Variants in CPXM2 observed in about 807,000 individuals in gnomAD.
The protein encoded by CPXM2 is inactive carboxypeptidase-like protein X2.
A neutral mutation model predicts 86.1 loss-of-function variants in CPXM2; 66 were observed. The observed-to-expected ratio is 0.77, with a 90% CI of 0.63 to 0.94. The LOEUF (loss-of-function observed/expected upper bound fraction) is 0.94, where lower values mean the gene tolerates loss of function less well. Ranked by LOEUF, CPXM2 falls within the 40% of genes least tolerant of loss-of-function variation. The pLI is 0.00. For synonymous variants in CPXM2, 388 were observed against 400.2 expected (o/e 0.97, Z 0.36); for missense variants, 948 against 1,026.3 (o/e 0.92, Z 1.04).
At position 123,814,841 on chromosome 10, in the gene CPXM2, T is replaced by C. The variant is rs189938513; in HGVS notation, c.654-15642A>G. On this transcript the variant is annotated intron_variant, in intron 4 of 13. Coordinates refer to ENST00000241305, the MANE Select transcript of CPXM2 (RefSeq NM_198148.3). ...GAGTTCAAGACCAACTTGGCCAACA[T>C]AGCAAAACCCCATCTCTACTAAAAA... is the stretch of plus-strand genomic sequence containing the variant. Among the ~76,000 whole-genome samples the C allele has an allele frequency of 3.4e-3, 514 of 152,146 alleles. 3 individuals are homozygous for C. The highest frequency in any genetic ancestry group is 5.1e-3 in the Non-Finnish European group (346 of 67,988).
At chr10:123,790,942 C>T (rs547865236) in intron 6 of CPXM2, among the ~76,000 whole-genome samples, 67 of 152,222 alleles carry the variant, frequency 4.4e-4, no homozygotes, top group African/African-American at 1.4e-3. Flanking sequence ...CCTGAAGCTG[C>T]GATGCTATCA....
At chr10:123,914,597 A>C (rs1945519643) in intron 2 of CPXM2, among the ~76,000 whole-genome samples, 1 of 152,064 alleles carries the variant, frequency 6.6e-6, no homozygotes, top group Non-Finnish European at 1.5e-5. Context: ...TCTGCCAACA[A>C]CACCATTTTA....
chr10:123,875,037 T>C (rs1590089319), intron 2 of CPXM2, among the ~76,000 whole-genome samples: 1 of 152,312 alleles, frequency 6.6e-6, no homozygotes, highest in South Asian at 2.1e-4. Flanking sequence ...CTGGCCACAC[T>C]GCTCATGTAG....
At chr10:123,820,290 C>A (rs1013561569) in intron 4 of CPXM2, among the ~76,000 whole-genome samples, 2 of 152,150 alleles carry the variant, frequency 1.3e-5, no homozygotes, top group Non-Finnish European at 2.9e-5. Flanking sequence ...AAGCAGAGGC[C>A]ACTCTACAGA....
At chr10:123,870,316 A>G (rs1266086209) in intron 2 of CPXM2, among the ~76,000 whole-genome samples, 1 of 152,318 alleles carries the variant, frequency 6.6e-6, no homozygotes, top group East Asian at 1.9e-4. Context: ...CCAGGAAAAG[A>G]GCTGGAGCCA....
At position 123,803,989 on chromosome 10, in the gene CPXM2, C is replaced by G. The variant is rs144549905; in HGVS notation, c.654-4790G>C. ...GATACATGGTTTTCTATATGGGCTTCCAGCTGACCTAGAACCATTTATATG... is the reference window on the plus strand; with the variant it reads ...GATACATGGTTTTCTATATGGGCTTGCAGCTGACCTAGAACCATTTATATG... On this transcript the variant is annotated intron_variant, in intron 4 of 13. Transcript: ENST00000241305. Among the ~76,000 whole-genome samples the G allele has an allele frequency of 1.9e-3, 295 of 152,230 alleles. 1 individual carries two copies. The highest frequency in any genetic ancestry group is 3.5e-3 in the Non-Finnish European group (241 of 68,022).
chr10:123,897,887 G>T (rs1361040171), intron 2 of CPXM2, among the ~76,000 whole-genome samples: 1 of 152,250 alleles, frequency 6.6e-6, no homozygotes, highest in African/African-American at 2.4e-5. Flanking sequence ...CAGAAGCAAG[G>T]GTTTGGAAGG....
At chr10:123,893,361 A>T (rs1449163230), upstream of CPXM2, among the ~76,000 whole-genome samples, 1 of 152,184 alleles carries the variant, frequency 6.6e-6, no homozygotes, top group Non-Finnish European at 1.5e-5. Context: ...GAGACCCCAC[A>T]GTGGGCAGGG....
chr10:123,904,966 G>A (rs79117182), intron 2 of CPXM2, among the ~76,000 whole-genome samples: 643 of 37,578 alleles, frequency 0.017, 16 homozygotes, highest in East Asian at 0.11. Context: ...GCACAAGTCC[G>A]TGAGGTTCAC....
intron 4 of CPXM2, among the ~76,000 whole-genome samples, chr10:123,804,623 A>G (rs1847538499): frequency 6.6e-6 from 1 of 152,124 alleles, no homozygotes; most frequent in Non-Finnish European, 1.5e-5. Flanking sequence ...TTTTATGGAT[A>G]TGATGATATC....
rs756984209 is a variant in CPXM2, at chr10:123,754,733, T to C, written c.1947A>G (p.Arg649=). The change falls in exon 13 of 14, where the codon AGA becomes AGG. Residue 649 remains arginine, a synonymous_variant. Coordinates refer to ENST00000241305, the MANE Select transcript of CPXM2 (RefSeq NM_198148.3). This position sits in a 1 kb window ranked among gnomAD's most constrained non-coding sequence, Gnocchi z 4.0. ...TTGGGATTCCTTTTCCATGTGAATC[T>C]CTCACCAAGCCTTTAATGCCACGAT... ...QVHRGIKGLV[R]DSHGKGIPNA... The C allele has an allele frequency of 6.2e-7, 1 of 1,610,580 alleles. No homozygotes were observed. The highest frequency in any genetic ancestry group is 8.5e-7 in the Non-Finnish European group (1 of 1,176,742).
rs535542455 is a variant in CPXM2, at chr10:123,782,126, T to C, written c.890-1871A>G. ...GCAAAGTCATTCCGGCTTAGCCAGATGCCTCAGTGATTTCTCAAGCCCTTT... is the reference window on the plus strand; with the variant it reads ...GCAAAGTCATTCCGGCTTAGCCAGACGCCTCAGTGATTTCTCAAGCCCTTT... On this transcript the variant is annotated intron_variant, in intron 6 of 13. Transcript: ENST00000241305. 5.9e-5 allele frequency among the ~76,000 whole-genome samples: 9 copies of C among 152,386 alleles called. No individual in the cohort carries two copies. In the South Asian group the frequency reaches 1.9e-3, roughly 32 times the overall value.
chr10:123,749,817 G>GC (rs923334917), intron 13 of CPXM2, among the ~76,000 whole-genome samples: 1 of 151,988 alleles, frequency 6.6e-6, no homozygotes, highest in Non-Finnish European at 1.5e-5. Flanking sequence ...GTTTTGTTTT[G>GC]TTTTTTGAGA....
At chr10:123,833,743 T>G (rs72827452) in intron 4 of CPXM2, among the ~76,000 whole-genome samples, 4,988 of 152,268 alleles carry the variant, frequency 0.033, 116 homozygotes, top group Middle Eastern at 0.065. Context: ...TTAACGCCAC[T>G]AGGACCACAC....
In CPXM2 at chr10:123,768,648, CCAG is replaced by C. The variant is rs757837701; in HGVS notation, c.1174_1176del (p.Leu392del). 2.7e-5 allele frequency: 44 copies of C among 1,610,386 alleles called. No individual in the cohort carries two copies. The highest frequency in any genetic ancestry group is 6.7e-5 in the East Asian group (3 of 44,752). ...AAGTACTCCTGACACACGAACTGCA[CCAG>C]CAGCAGCAGCAGCTCCCGGCCCAGC... is the stretch of plus-strand genomic sequence containing the variant. On this transcript the variant is annotated inframe_deletion, in exon 9 of 14. Transcript: ENST00000241305.
At chr10:123,818,301 T>G (rs1847854551) in intron 4 of CPXM2, among the ~76,000 whole-genome samples, 1 of 152,160 alleles carries the variant, frequency 6.6e-6, no homozygotes, top group African/African-American at 2.4e-5. Flanking sequence ...ACGCATGGGC[T>G]CAGCAACATG....
At chr10:123,780,691 T>C (rs1040563539) in intron 6 of CPXM2, among the ~76,000 whole-genome samples, 1 of 152,210 alleles carries the variant, frequency 6.6e-6, no homozygotes, top group African/African-American at 2.4e-5. Flanking sequence ...TGGAGACTTC[T>C]GGAAGGATGT....
intron 9 of CPXM2, among the ~76,000 whole-genome samples, chr10:123,767,697 A>T (rs61861858): frequency 0.046 from 6,974 of 152,330 alleles, 167 homozygotes; most frequent in Non-Finnish European, 0.057. Context: ...TCAATACACA[A>T]CACAACATAA....
intron 4 of CPXM2, among the ~76,000 whole-genome samples, chr10:123,814,389 C>A: frequency 6.6e-6 from 1 of 152,180 alleles, no homozygotes; most frequent in Non-Finnish European, 1.5e-5. Flanking sequence ...ATATCAGACT[C>A]CAAGTTCTTC....
Sources: allele counts gnomAD v4.1 joint callset (sites outside exome capture counted in the v4.1 genomes callset), GRCh38; gene constraint gnomAD v4.1.1; non-coding constraint Gnocchi (gnomAD v3.1); transcripts MANE v1.5; gene names NCBI Gene and HGNC (gene_info 2026-07-23, HGNC 2026-07-21).